Variants in PALS2 observed in about 807,000 individuals in gnomAD.
PALS2 encodes protein associated with LIN7 2, MAGUK p55 family member, also known as protein PALS2.
PALS2 carries 27 observed loss-of-function variants against 61.6 expected under a neutral mutation model. The ratio of observed to expected loss-of-function variants is 0.44; its 90% CI spans 0.32 to 0.60. The LOEUF (loss-of-function observed/expected upper bound fraction) is 0.60. Ranked by LOEUF, PALS2 falls within the 20% of genes least tolerant of loss-of-function variation. The pLI, the probability that PALS2 is intolerant of heterozygous loss-of-function variation, is 0.05. For synonymous variants in PALS2, 236 were observed against 218.6 expected, an observed-to-expected ratio of 1.08 and a Z score of -0.70; for missense variants, 554 against 639.4, an observed-to-expected ratio of 0.87 and a Z score of 1.44.
At chr7:24,609,199 A>G (rs1340273279) in intron 1 of PALS2, among the ~76,000 whole-genome samples, 2 of 152,132 alleles carry the variant, frequency 1.3e-5, no homozygotes, top group East Asian at 3.9e-4. Context: ...GACTAGGGTG[A>G]TGATTCAGGA....
At chr7:24,611,676 T>G (rs1043736051) in intron 1 of PALS2, among the ~76,000 whole-genome samples, 3 of 152,016 alleles carry the variant, frequency 2.0e-5, no homozygotes, top group Admixed American at 1.3e-4. Context: ...TTAGGAGAAG[T>G]TATCCTAATT....
At position 24,689,649 on chromosome 7, in the gene PALS2, C is replaced by T. The variant is rs1370301656; in HGVS notation, c.*2035C>T. ...AGAACACAAATTCACGTTTCTTGTC[C>T]TAGGACAGGGAATTGGTGACAAAAT... On this transcript the variant is annotated 3_prime_UTR_variant, in exon 12 of 12. Transcript: ENST00000222644. 1 of 148,590 alleles carries T rather than the reference C, an allele frequency of 6.7e-6. No homozygotes were observed. The highest frequency in any genetic ancestry group is 1.5e-5 in the Non-Finnish European group (1 of 67,568). The allele number at this position is 148,590 out of a possible 1,614,324, so 9.2% of individuals were successfully genotyped here. A position where few individuals can be genotyped will look rare whatever the true frequency, so the allele number is the denominator to read the frequency against.
chr7:24,656,246 A>G (rs1786411373), intron 5 of PALS2, among the ~76,000 whole-genome samples: 1 of 152,214 alleles, frequency 6.6e-6, no homozygotes, highest in East Asian at 1.9e-4. Context: ...TTCTGATTTA[A>G]CATCAGGGTC....
At chr7:24,655,657 G>A (rs1190234574) in intron 5 of PALS2, among the ~76,000 whole-genome samples, 4 of 97,022 alleles carry the variant, frequency 4.1e-5, no homozygotes, top group Non-Finnish European at 7.9e-5. Flanking sequence ...TTTTTTTTGA[G>A]ATAGAGTCTA....
rs1242022919 is a variant in PALS2 at position 24,596,579 on chromosome 7, G to A, written c.-3+22986G>A. 7.2e-5 allele frequency among the ~76,000 whole-genome samples: 11 copies of A among 152,052 alleles called. No homozygotes were observed. Among genetic ancestry groups the A allele is most frequent in the Admixed American group, 6.6e-4 (10 of 15,248 alleles). ...GATTCATTATACTACATATTTTCTT[G>A]TAAAATAATGAAGTTTTGACTTGCT... is the stretch of plus-strand genomic sequence containing the variant. On this transcript the variant is annotated intron_variant, in intron 1 of 11. Transcript: ENST00000222644. The surrounding 1 kb of genome is among the most constrained non-coding windows in gnomAD (Gnocchi z 4.5).
chr7:24,633,427 A>G (rs916960705), intron 2 of PALS2, among the ~76,000 whole-genome samples: 1 of 144,736 alleles, frequency 6.9e-6, no homozygotes, highest in African/African-American at 2.6e-5. Flanking sequence ...TGAAGAGTTC[A>G]GTATAATTCT....
chr7:24,577,054 G>A (rs977838575), intron 1 of PALS2, among the ~76,000 whole-genome samples: 15 of 152,040 alleles, frequency 9.9e-5, no homozygotes, highest in African/African-American at 3.4e-4. Flanking sequence ...AGGCTGCTAC[G>A]TTTATAGTAG....
chr7:24,629,723 A>G (rs984502237), intron 2 of PALS2, among the ~76,000 whole-genome samples: 2 of 152,240 alleles, frequency 1.3e-5, no homozygotes, highest in African/African-American at 4.8e-5. Context: ...AGACACATGA[A>G]AAAATGCTCA....
intron 11 of PALS2, among the ~76,000 whole-genome samples, chr7:24,684,821 TATATAA>T (rs1228702573): frequency 1.3e-5 from 2 of 152,238 alleles, no homozygotes; most frequent in Non-Finnish European, 1.5e-5. Context: ...AACTTACATG[TATATAA>T]ATATAAATAA....
intron 9 of PALS2, among the ~76,000 whole-genome samples, chr7:24,669,417 A>G (rs1458756954): frequency 6.6e-6 from 1 of 152,200 alleles, no homozygotes; most frequent in African/African-American, 2.4e-5. Context: ...GGGACTAATA[A>G]ACATTTGTCT....
At chr7:24,671,741 T>G (rs1333234301) in intron 9 of PALS2, among the ~76,000 whole-genome samples, 1 of 152,168 alleles carries the variant, frequency 6.6e-6, no homozygotes, top group Non-Finnish European at 1.5e-5. Context: ...GGTTCCAACT[T>G]TATTCTTTTG....
At chr7:24,639,184 C>T (rs1054304325) in intron 2 of PALS2, among the ~76,000 whole-genome samples, 2 of 152,160 alleles carry the variant, frequency 1.3e-5, no homozygotes, top group African/African-American at 2.4e-5. Context: ...AATAATGCAT[C>T]ATTTATTGGA....
chr7:24,651,598 C>T (rs182567042), intron 5 of PALS2, among the ~76,000 whole-genome samples: 4 of 152,040 alleles, frequency 2.6e-5, no homozygotes, highest in Admixed American at 2.6e-4. Flanking sequence ...GAAATGGAAC[C>T]GTAAAGAAAG....
chr7:24,588,318 C>G (rs2128042411), intron 1 of PALS2, among the ~76,000 whole-genome samples: 1 of 152,218 alleles, frequency 6.6e-6, no homozygotes, highest in South Asian at 2.1e-4. Context: ...AAGGGTATAT[C>G]TTAGACATTT....
Position 24,672,030 on chromosome 7 carries a change from A to G in PALS2, c.1114+3370A>G, listed in dbSNP as rs527482683. Reference sequence around the variant, plus strand: ...GTTTTGGCTCTTCTGGGTTCCTGACATTTCTATATAAATTATAAGATAAGC... The same window carrying G: ...GTTTTGGCTCTTCTGGGTTCCTGACGTTTCTATATAAATTATAAGATAAGC... On this transcript the variant is annotated intron_variant, in intron 9 of 11. Coordinates refer to ENST00000222644, the MANE Select transcript of PALS2 (RefSeq NM_001303037.2). Among the ~76,000 whole-genome samples the G allele has an allele frequency of 2.4e-4, 37 of 151,104 alleles. 2 individuals carry two copies. In the South Asian group the frequency reaches 7.2e-3, roughly 29 times the overall value.
At chr7:24,599,104 G>A (rs959383401) in intron 1 of PALS2, among the ~76,000 whole-genome samples, 2 of 152,150 alleles carry the variant, frequency 1.3e-5, no homozygotes, top group African/African-American at 4.8e-5. Context: ...TCATGATCGT[G>A]CAAACATAGA....
chr7:24,613,910 C>G (rs1047712330), intron 1 of PALS2, among the ~76,000 whole-genome samples: 9 of 151,930 alleles, frequency 5.9e-5, no homozygotes, highest in African/African-American at 1.9e-4. Context: ...CTGCACATGA[C>G]AGGATTTTAT....
chr7:24,647,908 A>G (rs1785925343), intron 3 of PALS2, among the ~76,000 whole-genome samples: 1 of 152,164 alleles, frequency 6.6e-6, no homozygotes. Context: ...AGCACATGAG[A>G]TTTCTGAACT....
At chr7:24,623,823 G>T (rs1427593105) in intron 2 of PALS2, 39 bp downstream of exon 2, 2 of 1,406,840 alleles carry the variant, frequency 1.4e-6, no homozygotes, top group African/African-American at 1.4e-5. Context: ...AATTATTTTG[G>T]ACTTAGTTTT....
Sources: allele counts gnomAD v4.1 joint callset (sites outside exome capture counted in the v4.1 genomes callset), GRCh38; gene constraint gnomAD v4.1.1; non-coding constraint Gnocchi (gnomAD v3.1); transcripts MANE v1.5; gene names NCBI Gene and HGNC (gene_info 2026-07-23, HGNC 2026-07-21).